The following PDCD11 variants were observed in gnomAD, a reference collection of about 807,000 sequenced individuals.
PDCD11 encodes the protein protein RRP5 homolog.
A neutral mutation model predicts 198.9 loss-of-function variants in PDCD11; 97 were observed. That is an observed-to-expected ratio of 0.49 (90% CI 0.41 to 0.58). PDCD11 has a LOEUF of 0.58. Ranked by LOEUF, PDCD11 falls within the 20% of genes least tolerant of loss-of-function variation. The pLI is 0.00. For missense variants in PDCD11, 2,102 were observed against 2,312.7 expected, an observed-to-expected ratio of 0.91 and a Z score of 1.87; for synonymous variants, 893 against 918.0, an observed-to-expected ratio of 0.97 and a Z score of 0.49.
intron 14 of PDCD11, 117 bp from the exon 15 acceptor site, chr10:103,418,323 C>G: frequency 1.2e-6 from 1 of 804,720 alleles, no homozygotes; most frequent in South Asian, 1.7e-5. Flanking sequence ...TGGAAGAAAG[C>G]TGCCTCTTAG....
At chr10:103,415,705 T>C (rs1326215843) in intron 12 of PDCD11, among the ~76,000 whole-genome samples, 1 of 152,256 alleles carries the variant, frequency 6.6e-6, no homozygotes, top group Non-Finnish European at 1.5e-5. Context: ...TAATGTTTTC[T>C]AGATTTCTGG....
rs747502502 is a variant in PDCD11, at chr10:103,406,668, G to A, written c.748G>A (p.Gly250Arg). 1.2e-5 allele frequency: 20 copies of A among 1,614,054 alleles called. No homozygotes were observed. Among genetic ancestry groups the A allele is most frequent in the Middle Eastern group, 1.6e-4 (1 of 6,084 alleles). ...NCIVEKVKGN[G>R]GVVSLSVGHS... is the part of the protein sequence containing the mutation. ...CATTGTTGAAAAGGTGAAAGGCAAC[G>A]GAGGAGTTGTTAGTCTGTCTGTTGG... The change falls in exon 7 of 36, where the codon GGA (glycine) becomes AGA (arginine). Residue 250 changes from glycine (G) to arginine (R), a missense_variant. Physicochemically the swap from Gly to Arg is moderately radical, Grantham distance 125. Transcript: ENST00000369797.
intron 24 of PDCD11, 41 bp downstream of exon 24, chr10:103,434,391 G>A (rs2032063318): frequency 3.1e-6 from 4 of 1,300,810 alleles, no homozygotes; most frequent in African/African-American, 2.9e-5. Flanking sequence ...AAGGGGAGCG[G>A]CAGGAAGGGG....
chr10:103,404,098 C>T lies in PDCD11; in HGVS notation c.402+813C>T, dbSNP rs1564755900. Among the ~76,000 whole-genome samples, 5 of 151,754 alleles carry T rather than the reference C, an allele frequency of 3.3e-5. No individual in the cohort carries two copies. The South Asian group carries it at 1.0e-3, about 32-fold the overall frequency. On this transcript the variant is annotated intron_variant, in intron 4 of 35. Coordinates refer to ENST00000369797, the MANE Select transcript of PDCD11 (RefSeq NM_014976.2). ...CCATCTCCTGGGTTCAAGTGATTCT[C>T]CTGCCTCAGCCTCCCCAGTAGCTGG...
At chr10:103,414,162 C>T in intron 10 of PDCD11, 72 bp downstream of exon 10, 1 of 1,581,706 alleles carries the variant, frequency 6.3e-7, no homozygotes, top group East Asian at 2.2e-5. Flanking sequence ...TTTCTCCTGG[C>T]TGTGCTTGGG....
chr10:103,419,210 A>T (rs1260267035), intron 15 of PDCD11, among the ~76,000 whole-genome samples: 1 of 152,164 alleles, frequency 6.6e-6, no homozygotes, highest in African/African-American at 2.4e-5. Context: ...GGGATGAGCC[A>T]TCCCTTTTTG....
chr10:103,406,870 C>CCTTTATCAGACAGTAGTT, intron 7 of PDCD11, 80 bp downstream of exon 7: 1 of 1,186,402 alleles, frequency 8.4e-7, no homozygotes, highest in Non-Finnish European at 1.2e-6. Context: ...TCTAAAACTA[C>CCTTTATCAGACAGTAGTT]TGTCTGATAA....
intron 25 of PDCD11, among the ~76,000 whole-genome samples, chr10:103,437,287 G>A (rs968207581): frequency 2.0e-5 from 3 of 152,066 alleles, no homozygotes; most frequent in African/African-American, 7.2e-5. Context: ...GACTACAGGT[G>A]TGTGCCACCA....
intron 4 of PDCD11, 76 bp from the exon 5 acceptor site, chr10:103,404,946 T>G (rs2030355793): frequency 1.4e-6 from 2 of 1,414,460 alleles, no homozygotes; most frequent in African/African-American, 1.4e-5. Context: ...GAGAAGTCAC[T>G]GAGCCAAAGC....
At chr10:103,404,985 G>C (rs375331482) in intron 4 of PDCD11, 37 bp from the exon 5 acceptor site, 109 of 1,598,454 alleles carry the variant, frequency 6.8e-5, no homozygotes, top group Non-Finnish European at 9.2e-5. Flanking sequence ...TTCAGGAGAA[G>C]GGTGTATATC....
intron 21 of PDCD11, among the ~76,000 whole-genome samples, chr10:103,428,658 A>G (rs777391400): frequency 2.0e-5 from 3 of 152,152 alleles, no homozygotes; most frequent in African/African-American, 4.8e-5. Flanking sequence ...TAACAGATAT[A>G]TGGGGGATGA....
At chr10:103,411,693 AT>A (rs1015358794) in intron 8 of PDCD11, among the ~76,000 whole-genome samples, 8 of 151,724 alleles carry the variant, frequency 5.3e-5, no homozygotes, top group Admixed American at 3.3e-4. Flanking sequence ...CTAGCTGAGA[AT>A]TTTTTTTTAA....
chr10:103,444,313 G>T, intron 34 of PDCD11: 1 of 628,358 alleles, frequency 1.6e-6, no homozygotes. Flanking sequence ...CACCTCTTCT[G>T]TGCCCAGAGA....
chr10:103,436,938 C>A (rs1376739213), intron 25 of PDCD11, among the ~76,000 whole-genome samples: 1 of 152,192 alleles, frequency 6.6e-6, no homozygotes, highest in Non-Finnish European at 1.5e-5. Flanking sequence ...ACCCTGCTGT[C>A]CCTCCTGGAA....
chr10:103,402,186 G>T lies in PDCD11; in HGVS notation c.235-932G>T, dbSNP rs532858921. The stretch of plus-strand genomic sequence containing the variant: ...GGTTGTGTCCTTTAGACCTGGCATG[G>T]TCACTCCAGACTGCCATTGTCTCCA... On this transcript the variant is annotated intron_variant, in intron 3 of 35. Transcript: ENST00000369797. 4.6e-5 allele frequency among the ~76,000 whole-genome samples: 7 copies of T among 152,292 alleles called. No homozygotes were observed. In the South Asian group the frequency reaches 1.0e-3, roughly 23 times the overall value.
In PDCD11 at chr10:103,445,709, G is replaced by C. The variant is rs1178677688; in HGVS notation, c.*160G>C. On this transcript the variant is annotated 3_prime_UTR_variant, in exon 36 of 36. Coordinates refer to ENST00000369797, the MANE Select transcript of PDCD11 (RefSeq NM_014976.2). ...CCTGTCAGGATGAAAAGGAAGTTGA[G>C]ATTTTTTAAATCCCTCTTCGCTTGC... 3 of 603,358 alleles carry C rather than the reference G, an allele frequency of 5.0e-6. No individual in the cohort carries two copies. The highest frequency in any genetic ancestry group is 1.8e-5 in the African/African-American group (1 of 54,190). 37.4% of individuals were successfully genotyped at this position (603,358 alleles called of 1,614,324 possible).
At position 103,444,246 on chromosome 10, in the gene PDCD11, C is replaced by T. The variant is rs1353763505; in HGVS notation, c.5278+178C>T. ...ATGTTAAATTTCAAATGTCAGGCTC[C>T]AAAAGATGGAGGAACAAAACGCAGT... On this transcript the variant is annotated intron_variant, in intron 34 of 35. Coordinates refer to ENST00000369797, the MANE Select transcript of PDCD11 (RefSeq NM_014976.2). 3 of 654,516 alleles carry T rather than the reference C, an allele frequency of 4.6e-6. No homozygotes were observed. The African/African-American group carries it at 5.5e-5, about 12-fold the overall frequency. 40.5% of individuals were successfully genotyped at this position (654,516 alleles called of 1,614,324 possible).
chr10:103,423,096 T>C lies in PDCD11; in HGVS notation c.2606T>C (p.Val869Ala). The C allele has an allele frequency of 1.9e-6, 3 of 1,600,414 alleles. No individual in the cohort carries two copies. Among genetic ancestry groups the C allele is most frequent in the South Asian group, 1.1e-5 (1 of 88,546 alleles). ...TCTGTGGTATTCAGTGGGGGTCCAG[T>C]GCCCGACCTGGTCCTGAAAGCCAGC... ...DGSVVFSGGP[V>A]PDLVLKASRY... The change falls in exon 18 of 36, where the codon GTG (valine) becomes GCG (alanine). Residue 869 changes from valine (V) to alanine (A), a missense_variant. Transcript: ENST00000369797.
rs1327876552 is a variant in PDCD11 at position 103,445,579 on chromosome 10, A to T, written c.*30A>T. On this transcript the variant is annotated 3_prime_UTR_variant, in exon 36 of 36. Transcript: ENST00000369797. Reference sequence around the variant, plus strand: ...AGGCTGGCTCTGTGGGACACTGTCAACAATGGGCCAGCCCGGCCCCGCCTC... The same window carrying T: ...AGGCTGGCTCTGTGGGACACTGTCATCAATGGGCCAGCCCGGCCCCGCCTC... 1 of 1,601,816 alleles carries T rather than the reference A, an allele frequency of 6.2e-7. No homozygotes were observed. Among genetic ancestry groups the T allele is most frequent in the Admixed American group, 1.7e-5 (1 of 59,122 alleles).
Sources: gnomAD v4.1 joint callset for allele counts (sites outside exome capture counted in the v4.1 genomes callset) on GRCh38, gnomAD v4.1.1 for gene constraint, MANE v1.5 for transcripts, NCBI Gene and HGNC (gene_info 2026-07-23, HGNC 2026-07-21) for gene names.